The following MAP7 variants were observed in gnomAD, a reference collection of about 807,000 sequenced individuals.
MAP7 encodes the protein ensconsin.
Under a neutral mutation model 94.8 loss-of-function variants are expected in MAP7, and 52 were observed. The ratio of observed to expected loss-of-function variants is 0.55; its 90% CI spans 0.44 to 0.69. The LOEUF is 0.69. Among genes scored for constraint, MAP7 ranks in the 30% least tolerant of loss-of-function variants. MAP7 has a pLI of 0.00. For missense variants in MAP7, 940 were observed against 964.6 expected, an observed-to-expected ratio of 0.97 and a Z score of 0.34; for synonymous variants, 350 against 357.0, an observed-to-expected ratio of 0.98 and a Z score of 0.22.
At chr6:136,459,343 G>C (rs933779659) in intron 1 of MAP7, among the ~76,000 whole-genome samples, 1 of 152,052 alleles carries the variant, frequency 6.6e-6, no homozygotes, top group Admixed American at 6.6e-5. Flanking sequence ...ATGGGAAACA[G>C]TATAAAGGTT....
chr6:136,531,310 T>C (rs553274869), intron 1 of MAP7, among the ~76,000 whole-genome samples: 1 of 145,030 alleles, frequency 6.9e-6, no homozygotes, highest in African/African-American at 2.9e-5. Context: ...GCCCGGACTG[T>C]GTTTCTGTAA....
intron 1 of MAP7, among the ~76,000 whole-genome samples, chr6:136,483,708 G>A (rs1049872109): frequency 4.6e-5 from 7 of 152,024 alleles, no homozygotes; most frequent in East Asian, 1.9e-4. Context: ...ATACACTGAC[G>A]TTTTCTCCAA....
At chr6:136,447,758 C>A (rs1799778998) in intron 1 of MAP7, among the ~76,000 whole-genome samples, 1 of 152,026 alleles carries the variant, frequency 6.6e-6, no homozygotes, top group Admixed American at 6.6e-5. Context: ...AAGTCATCAC[C>A]TAAAACTTTT....
Position 136,361,182 on chromosome 6 carries a change from G to A in MAP7, c.1527-3C>T. On this transcript the variant is annotated splice_polypyrimidine_tract_variant and splice_region_variant and intron_variant, in intron 11 of 17. Coordinates refer to ENST00000354570, the MANE Select transcript of MAP7 (RefSeq NM_003980.6). ...GAGCCAATTCCTCTCTCTTTTGTCT[G>A]GAAAAAGACAGAACAAAACCAAAAC... 1 of 1,601,886 alleles carries A rather than the reference G, an allele frequency of 6.2e-7. No homozygotes were observed. The highest frequency in any genetic ancestry group is 8.5e-7 in the Non-Finnish European group (1 of 1,179,902).
chr6:136,412,818 T>A (rs1242461668), intron 2 of MAP7, among the ~76,000 whole-genome samples: 1 of 152,122 alleles, frequency 6.6e-6, no homozygotes, highest in Admixed American at 6.5e-5. Context: ...AAAATGAGCA[T>A]AATAATCACA....
intron 1 of MAP7, among the ~76,000 whole-genome samples, chr6:136,455,954 T>A (rs2128894976): frequency 6.6e-6 from 1 of 152,352 alleles, no homozygotes; most frequent in South Asian, 2.1e-4. Context: ...TCAACTTAAA[T>A]GTGCATACAA....
intron 1 of MAP7, among the ~76,000 whole-genome samples, chr6:136,442,521 C>T (rs1034042951): frequency 2.0e-5 from 3 of 151,874 alleles, no homozygotes; most frequent in African/African-American, 7.3e-5. Context: ...CACCTTTGGG[C>T]TTTTAACACA....
intron 1 of MAP7, among the ~76,000 whole-genome samples, chr6:136,508,719 C>CT (rs1034542362): frequency 6.6e-6 from 1 of 152,068 alleles, no homozygotes; most frequent in Non-Finnish European, 1.5e-5. Flanking sequence ...GATGGTTTTC[C>CT]TTTTTTTGTT....
At chr6:136,407,633 C>T (rs1043088142) in intron 3 of MAP7, among the ~76,000 whole-genome samples, 1 of 152,190 alleles carries the variant, frequency 6.6e-6, no homozygotes, top group African/African-American at 2.4e-5. Flanking sequence ...TACCTACCTA[C>T]TGGGCTAGTT....
intron 8 of MAP7, among the ~76,000 whole-genome samples, chr6:136,367,217 T>G (rs1794560202): frequency 6.6e-6 from 1 of 152,196 alleles, no homozygotes; most frequent in Non-Finnish European, 1.5e-5. Flanking sequence ...TCCACTACTC[T>G]AAAGTCAATG....
intron 1 of MAP7, among the ~76,000 whole-genome samples, chr6:136,427,951 A>T (rs1793683928): frequency 6.6e-6 from 1 of 152,232 alleles, no homozygotes; most frequent in Non-Finnish European, 1.5e-5. Context: ...TATTAAACCA[A>T]AAGGAAATAA....
chr6:136,477,404 T>C (rs1048302774), intron 1 of MAP7, among the ~76,000 whole-genome samples: 7 of 152,208 alleles, frequency 4.6e-5, no homozygotes, highest in African/African-American at 1.4e-4. Flanking sequence ...AATAGCACAA[T>C]ACATAATCTT....
chr6:136,505,403 C>G (rs1821230942), intron 1 of MAP7, among the ~76,000 whole-genome samples: 1 of 149,306 alleles, frequency 6.7e-6, no homozygotes, highest in African/African-American at 2.5e-5. Context: ...TGAACATTAG[C>G]CATAATGTCC....
At chr6:136,382,931 G>A (rs1203175358) in intron 6 of MAP7, among the ~76,000 whole-genome samples, 3 of 152,050 alleles carry the variant, frequency 2.0e-5, no homozygotes, top group Non-Finnish European at 4.4e-5. Flanking sequence ...GTAAAAACAA[G>A]CAGCTTATCT....
intron 1 of MAP7, among the ~76,000 whole-genome samples, chr6:136,495,335 T>C (rs1454651694): frequency 6.6e-6 from 1 of 152,166 alleles, no homozygotes; most frequent in Non-Finnish European, 1.5e-5. Context: ...CAGGTGATTG[T>C]GTGTGGACCG....
At chr6:136,549,104 G>A (rs1829944464) in intron 1 of MAP7, among the ~76,000 whole-genome samples, 1 of 152,160 alleles carries the variant, frequency 6.6e-6, no homozygotes, top group Non-Finnish European at 1.5e-5. Flanking sequence ...TAGACTTTAC[G>A]TACCCAACCT....
intron 13 of MAP7, 27 bp downstream of exon 13, chr6:136,360,670 C>T (rs748816543): frequency 8.7e-6 from 14 of 1,605,884 alleles, no homozygotes; most frequent in Non-Finnish European, 1.2e-5. Context: ...GTTCGCGTCC[C>T]GGGCCTCTCT....
rs185105582 is a variant in MAP7 at position 136,472,002 on chromosome 6, G to T, written c.68-50203C>A. Among the ~76,000 whole-genome samples, 216 of 152,264 alleles carry T rather than the reference G, an allele frequency of 1.4e-3. 1 individual carries two copies. Among genetic ancestry groups the T allele is most frequent in the African/African-American group, 4.9e-3 (202 of 41,558 alleles). ...CATTTCAGCAAAATCAGGTTGCCCA[G>T]TCTAGATTATTGGGGCTGAAATCCA... On this transcript the variant is annotated intron_variant, in intron 1 of 17. Coordinates refer to ENST00000354570, the MANE Select transcript of MAP7 (RefSeq NM_003980.6).
At chr6:136,415,903 G>A (rs1789234452) in intron 2 of MAP7, among the ~76,000 whole-genome samples, 1 of 152,212 alleles carries the variant, frequency 6.6e-6, no homozygotes, top group African/African-American at 2.4e-5. Flanking sequence ...AAGATGCATA[G>A]TGGTTGTGAT....
Sources: gnomAD v4.1 joint callset for allele counts (sites outside exome capture counted in the v4.1 genomes callset) on GRCh38, gnomAD v4.1.1 for gene constraint, MANE v1.5 for transcripts, NCBI Gene and HGNC (gene_info 2026-07-23, HGNC 2026-07-21) for gene names.